Variants in GLDN observed in about 807,000 individuals in gnomAD.
GLDN encodes the protein gliomedin.
GLDN carries 47 observed loss-of-function variants against 56.5 expected under a neutral mutation model. The observed-to-expected ratio is 0.83, with a 90% CI of 0.66 to 1.06. The LOEUF (loss-of-function observed/expected upper bound fraction) is 1.06. GLDN is among the 50% of genes least tolerant of loss of function. The pLI is 0.00. For synonymous variants in GLDN, 332 were observed against 278.8 expected (o/e 1.19, Z -1.90); for missense variants, 782 against 714.3 (o/e 1.09, Z -1.08).
At chr15:51,378,670 T>C (rs1476954510) in intron 2 of GLDN, among the ~76,000 whole-genome samples, 2 of 152,230 alleles carry the variant, frequency 1.3e-5, no homozygotes, top group African/African-American at 4.8e-5. Context: ...CTTTAGCACT[T>C]TGAAGTGCTT....
intron 1 of GLDN, among the ~76,000 whole-genome samples, chr15:51,363,592 C>T (rs559075320): frequency 2.0e-5 from 3 of 152,318 alleles, no homozygotes; most frequent in Admixed American, 1.3e-4. Flanking sequence ...TCAAGGAATT[C>T]ACAGGCGAGT....
chr15:51,373,749 C>T (rs1391959232), intron 1 of GLDN, among the ~76,000 whole-genome samples: 1 of 152,174 alleles, frequency 6.6e-6, no homozygotes, highest in Non-Finnish European at 1.5e-5. Context: ...CTACAAGGTG[C>T]GGGGGCAGGG....
At chr15:51,390,804 A>C (rs2038000941) in intron 4 of GLDN, among the ~76,000 whole-genome samples, 1 of 152,110 alleles carries the variant, frequency 6.6e-6, no homozygotes, top group African/African-American at 2.4e-5. Context: ...AGCCACTCCT[A>C]GCACAAGTTA....
At chr15:51,394,291 C>T (rs2038078039) in intron 4 of GLDN, among the ~76,000 whole-genome samples, 1 of 152,198 alleles carries the variant, frequency 6.6e-6, no homozygotes, top group Non-Finnish European at 1.5e-5. Flanking sequence ...CTCTCTCCAA[C>T]CTGTTGGCTC....
chr15:51,387,912 G>T (rs2037935442), intron 4 of GLDN, among the ~76,000 whole-genome samples: 1 of 152,170 alleles, frequency 6.6e-6, no homozygotes, highest in South Asian at 2.1e-4. Context: ...CCAAGGGCAT[G>T]AATACTTTTG....
chr15:51,396,570 A>G (rs1166561541), intron 5 of GLDN, among the ~76,000 whole-genome samples: 2 of 152,370 alleles, frequency 1.3e-5, no homozygotes, highest in East Asian at 3.9e-4. Context: ...AAAATATAAC[A>G]TGTGAACATA....
intron 1 of GLDN, chr15:51,367,477 T>TA (rs1469874984): frequency 6.6e-6 from 1 of 152,230 alleles, no homozygotes; most frequent in Non-Finnish European, 1.5e-5. Context: ...CAACACTTGG[T>TA]AATTATTTGT....
At chr15:51,365,045 C>A (rs982270749) in intron 1 of GLDN, among the ~76,000 whole-genome samples, 2 of 152,150 alleles carry the variant, frequency 1.3e-5, no homozygotes, top group African/African-American at 4.8e-5. Context: ...GGTACTTCAA[C>A]AAATGGCTCT....
chr15:51,379,489 C>T (rs368989741), intron 2 of GLDN, among the ~76,000 whole-genome samples: 1 of 152,220 alleles, frequency 6.6e-6, no homozygotes, highest in East Asian at 1.9e-4. Flanking sequence ...TATTCTATGC[C>T]TAGGCAAATA....
rs748196701 is a variant in GLDN, at chr15:51,397,450, TTCTC to T, written c.689-7_689-4del. The T allele has an allele frequency of 9.4e-5, 108 of 1,143,726 alleles. No homozygotes were observed. Among genetic ancestry groups the T allele is most frequent in the African/African-American group, 4.1e-4 (25 of 60,954 alleles). 70.8% of individuals were successfully genotyped at this position (1,143,726 alleles called of 1,614,324 possible). A position where few individuals can be genotyped will look rare whatever the true frequency, so the allele number is the denominator to read the frequency against. On this transcript the variant is annotated splice_polypyrimidine_tract_variant and intron_variant, in intron 5 of 9. Coordinates refer to ENST00000335449, the MANE Select transcript of GLDN (RefSeq NM_181789.4). ...CTACCTCTTGCCTCCTTCTCTCCCT[TTCTC>T]TCTCTCTCTCTCCAGGTGCCAAAGG...
intron 1 of GLDN, 99 bp from the exon 2 acceptor site, chr15:51,377,350 T>C: frequency 4.0e-6 from 4 of 992,438 alleles, no homozygotes; most frequent in Admixed American, 4.2e-5. Context: ...CTAAAGTTAC[T>C]TGGTGACTTT....
chr15:51,368,787 A>G (rs1402939237), intron 1 of GLDN, among the ~76,000 whole-genome samples: 2 of 152,166 alleles, frequency 1.3e-5, no homozygotes, highest in African/African-American at 4.8e-5. Context: ...CTTAAGGCAT[A>G]TGACTATGTA....
chr15:51,344,123 G>A lies in GLDN; in HGVS notation c.363+2076G>A, dbSNP rs555521105. 1.7e-4 allele frequency among the ~76,000 whole-genome samples: 26 copies of A among 152,348 alleles called. No individual in the cohort carries two copies. The East Asian group carries it at 4.8e-3, about 28-fold the overall frequency. On this transcript the variant is annotated intron_variant, in intron 1 of 9. Transcript: ENST00000335449. ...CCACTGCTACCAATGCTACTGGCCT[G>A]AAGACCACATTTTGAGTAGTAAGGT...
chr15:51,354,394 T>G (rs564385896), intron 1 of GLDN, among the ~76,000 whole-genome samples: 1 of 152,260 alleles, frequency 6.6e-6, no homozygotes, highest in African/African-American at 2.4e-5. Flanking sequence ...CTAAGCCACA[T>G]TTGGGGACCT....
rs1411089530 is a variant in GLDN, at chr15:51,400,269, C to G, written c.895C>G (p.Gln299Glu). Residue 299 changes from glutamine (Q) to glutamate (E), a missense_variant, in exon 7 of 10, where the codon CAA becomes GAA. By Grantham distance (29) the Gln-to-Glu change is conservative. Transcript: ENST00000335449. ...DEKASEHHSPQAESMITSIGN... is the reference protein window; with the variant it reads ...DEKASEHHSPEAESMITSIGN... Reference sequence around the variant, plus strand: ...GAAAGCCAGTGAACACCATTCCCCACAAGCAGGTATAGAAACAAAGCGTCC... The same window carrying G: ...GAAAGCCAGTGAACACCATTCCCCAGAAGCAGGTATAGAAACAAAGCGTCC... The G allele has an allele frequency of 6.2e-7, 1 of 1,614,208 alleles. No homozygotes were observed.
downstream of GLDN, among the ~76,000 whole-genome samples, chr15:51,409,493 CTG>C (rs201073255): frequency 9.5e-3 from 1,452 of 152,316 alleles, 17 homozygotes; most frequent in African/African-American, 0.033. Flanking sequence ...AGTCCCGCTA[CTG>C]TTTCCTCCAA....
chr15:51,342,424 T>TG (rs2141041230), intron 1 of GLDN, among the ~76,000 whole-genome samples: 1 of 152,332 alleles, frequency 6.6e-6, no homozygotes, highest in Admixed American at 6.5e-5. Flanking sequence ...CACTGACCTG[T>TG]GGGTGGGGCC....
At chr15:51,392,311 G>A (rs2141117847) in intron 4 of GLDN, among the ~76,000 whole-genome samples, 1 of 152,288 alleles carries the variant, frequency 6.6e-6, no homozygotes, top group East Asian at 1.9e-4. Flanking sequence ...CCACTCTCCA[G>A]TGCTCACATT....
chr15:51,359,669 A>G (rs2037252900), intron 1 of GLDN, among the ~76,000 whole-genome samples: 1 of 152,222 alleles, frequency 6.6e-6, no homozygotes, highest in Admixed American at 6.5e-5. Context: ...AGAGAGGCTA[A>G]GGGAGGCATT....
Sources: gnomAD v4.1 joint callset for allele counts (sites outside exome capture counted in the v4.1 genomes callset) on GRCh38, gnomAD v4.1.1 for gene constraint, MANE v1.5 for transcripts, NCBI Gene and HGNC (gene_info 2026-07-23, HGNC 2026-07-21) for gene names.